Variants in PTDSS1 observed in about 807,000 individuals in gnomAD.
PTDSS1 encodes the protein phosphatidylserine synthase 1, also known as PSS-1.
A neutral mutation model predicts 70.5 loss-of-function variants in PTDSS1; 45 were observed. The ratio of observed to expected loss-of-function variants is 0.64; its 90% CI spans 0.50 to 0.82. The LOEUF (loss-of-function observed/expected upper bound fraction) is 0.82, where lower values mean the gene tolerates loss of function less well. Ranked by LOEUF, PTDSS1 falls within the 40% of genes least tolerant of loss-of-function variation. The pLI is 0.00. For synonymous variants in PTDSS1, 188 were observed against 203.8 expected, an observed-to-expected ratio of 0.92 and a Z score of 0.66; for missense variants, 417 against 586.1, an observed-to-expected ratio of 0.71 and a Z score of 2.98.
intron 2 of PTDSS1, among the ~76,000 whole-genome samples, chr8:96,281,526 C>A (rs578134515): frequency 2.0e-5 from 3 of 152,148 alleles, no homozygotes; most frequent in Admixed American, 2.0e-4. Flanking sequence ...CTATCAGTTC[C>A]CTGCCCTTTC....
intron 10 of PTDSS1, 57 bp from the exon 11 acceptor site, chr8:96,330,156 C>T (rs1001381640): frequency 6.7e-7 from 1 of 1,495,164 alleles, no homozygotes; most frequent in African/African-American, 1.4e-5. Flanking sequence ...CACTGAAACC[C>T]TGAAGTTCTG....
At chr8:96,299,207 C>T (rs185396823) in intron 5 of PTDSS1, among the ~76,000 whole-genome samples, 4 of 152,296 alleles carry the variant, frequency 2.6e-5, no homozygotes, top group African/African-American at 4.8e-5. Flanking sequence ...CTTCCTACAT[C>T]GTGTCATCAA....
chr8:96,306,202 C>T (rs1811121826), intron 7 of PTDSS1, among the ~76,000 whole-genome samples: 2 of 152,172 alleles, frequency 1.3e-5, no homozygotes, highest in African/African-American at 4.8e-5. Flanking sequence ...AGCTGATAAT[C>T]CTGTTCCCCT....
chr8:96,291,452 CTTTT>C (rs200644968), intron 4 of PTDSS1, among the ~76,000 whole-genome samples: 5 of 123,604 alleles, frequency 4.0e-5, no homozygotes, highest in Non-Finnish European at 3.6e-5. Flanking sequence ...ATGGGCTTTT[CTTTT>C]TTTTTTTTTT....
chr8:96,310,801 C>T (rs1344176269), intron 9 of PTDSS1, among the ~76,000 whole-genome samples: 4 of 151,058 alleles, frequency 2.6e-5, no homozygotes, highest in African/African-American at 9.7e-5. Flanking sequence ...ACGGAGTGTT[C>T]TGTCGCCAGG....
chr8:96,288,288 C>T (rs1810851461), intron 4 of PTDSS1, among the ~76,000 whole-genome samples: 1 of 152,046 alleles, frequency 6.6e-6, no homozygotes, highest in South Asian at 2.1e-4. Flanking sequence ...AACTCTGAAC[C>T]CCAGAGTTCA....
chr8:96,314,467 C>T (rs990608390), intron 9 of PTDSS1, among the ~76,000 whole-genome samples: 3 of 152,128 alleles, frequency 2.0e-5, no homozygotes, highest in East Asian at 3.9e-4. Flanking sequence ...GGGGAGTCAC[C>T]GCCGTCCTGC....
chr8:96,278,994 G>A (rs147796112), intron 2 of PTDSS1, among the ~76,000 whole-genome samples: 4,057 of 112,876 alleles, frequency 0.036, 216 homozygotes, highest in African/African-American at 0.13. Flanking sequence ...TTTTTTTTGA[G>A]ACAGAGTCTC....
chr8:96,319,437 G>C (rs1335843952), intron 9 of PTDSS1, among the ~76,000 whole-genome samples: 1 of 151,656 alleles, frequency 6.6e-6, no homozygotes, highest in African/African-American at 2.4e-5. Flanking sequence ...TGAAGATACA[G>C]AACACAAGAG....
In PTDSS1 at chr8:96,335,029, C is replaced by T. The variant is rs1013141647; in HGVS notation, c.*1463C>T. 1 of 152,146 alleles carries T rather than the reference C, an allele frequency of 6.6e-6. No individual in the cohort carries two copies. Among genetic ancestry groups the T allele is most frequent in the Non-Finnish European group, 1.5e-5 (1 of 68,054 alleles). 9.4% of individuals were successfully genotyped at this position (152,146 alleles called of 1,614,324 possible). ...GAATCATGCCAGCCAGGGTCACATC[C>T]TGTCCTCAGGGGGCCCAGTGCTCAA... On this transcript the variant is annotated 3_prime_UTR_variant, in exon 13 of 13. Coordinates refer to ENST00000517309, the MANE Select transcript of PTDSS1 (RefSeq NM_014754.3).
intron 3 of PTDSS1, among the ~76,000 whole-genome samples, chr8:96,286,538 C>G (rs1233696656): frequency 6.6e-6 from 1 of 152,172 alleles, no homozygotes; most frequent in Non-Finnish European, 1.5e-5. Flanking sequence ...AAAATGTTAC[C>G]TAGATCATCT....
intron 10 of PTDSS1, among the ~76,000 whole-genome samples, chr8:96,321,583 T>C (rs553052611): frequency 1.3e-5 from 2 of 152,232 alleles, no homozygotes; most frequent in Non-Finnish European, 2.9e-5. Flanking sequence ...TTTTATCGTA[T>C]CTTGTAATTT....
intron 2 of PTDSS1, 50 bp downstream of exon 2, chr8:96,273,440 G>A (rs759975242): frequency 7.1e-7 from 1 of 1,401,434 alleles, no homozygotes; most frequent in Admixed American, 2.1e-5. Flanking sequence ...TGCCTTTCTG[G>A]TTTTTTTGAG....
intron 4 of PTDSS1, among the ~76,000 whole-genome samples, chr8:96,293,974 A>T (rs1810942378): frequency 6.6e-6 from 1 of 152,206 alleles, no homozygotes; most frequent in Non-Finnish European, 1.5e-5. Flanking sequence ...GTCCGGGAAG[A>T]AACTTTTCAT....
chr8:96,320,395 C>A (rs1416084800), intron 10 of PTDSS1, 50 bp downstream of exon 10: 2 of 1,459,356 alleles, frequency 1.4e-6, no homozygotes, highest in Non-Finnish European at 1.9e-6. Flanking sequence ...CTCATAGTAT[C>A]ACTTTAAACG....
chr8:96,306,422 C>A (rs191185722), intron 7 of PTDSS1, 22 bp from the exon 8 acceptor site: 655 of 1,568,782 alleles, frequency 4.2e-4, no homozygotes, highest in Non-Finnish European at 3.9e-4. Context: ...ACCAGGTTGA[C>A]TAATTTCTCC....
At chr8:96,308,123 G>C (rs576863408) in intron 8 of PTDSS1, among the ~76,000 whole-genome samples, 1 of 152,312 alleles carries the variant, frequency 6.6e-6, no homozygotes, top group South Asian at 2.1e-4. Context: ...GAGTTTAGAG[G>C]CTTCAGTGTA....
intron 2 of PTDSS1, among the ~76,000 whole-genome samples, chr8:96,279,939 A>G (rs890023052): frequency 6.6e-6 from 1 of 152,150 alleles, no homozygotes; most frequent in African/African-American, 2.4e-5. Context: ...AACTAATAAT[A>G]ATCAAAAAGA....
intron 9 of PTDSS1, among the ~76,000 whole-genome samples, chr8:96,319,907 T>G (rs1415599426): frequency 2.0e-5 from 3 of 152,158 alleles, no homozygotes; most frequent in Non-Finnish European, 4.4e-5. Flanking sequence ...AAGGTAGTAG[T>G]TTCCCTGTGC....
Sources: allele counts gnomAD v4.1 joint callset (sites outside exome capture counted in the v4.1 genomes callset), GRCh38; gene constraint gnomAD v4.1.1; transcripts MANE v1.5; gene names NCBI Gene and HGNC (gene_info 2026-07-23, HGNC 2026-07-21).